The following PPP1R7 variants were observed in gnomAD, a reference collection of about 807,000 sequenced individuals.
PPP1R7 encodes the protein protein phosphatase 1 regulatory subunit 7.
A neutral mutation model predicts 45.2 loss-of-function variants in PPP1R7; 18 were observed. The ratio of observed to expected loss-of-function variants is 0.40; its 90% CI spans 0.28 to 0.59. The LOEUF (loss-of-function observed/expected upper bound fraction) is 0.59. Ranked by LOEUF, PPP1R7 falls within the 20% of genes least tolerant of loss-of-function variation. The pLI is 0.46. For missense variants in PPP1R7, 314 were observed against 455.8 expected, an observed-to-expected ratio of 0.69 and a Z score of 2.83; for synonymous variants, 181 against 183.4, an observed-to-expected ratio of 0.99 and a Z score of 0.11.
chr2:241,175,182 G>A (rs1479656907), intron 9 of PPP1R7, among the ~76,000 whole-genome samples: 1 of 152,160 alleles, frequency 6.6e-6, no homozygotes, highest in South Asian at 2.1e-4. Context: ...GGTAAAACAT[G>A]CATAAAATAA....
chr2:241,168,035 G>A (rs2067751122), intron 8 of PPP1R7, among the ~76,000 whole-genome samples: 1 of 152,144 alleles, frequency 6.6e-6, no homozygotes, highest in Admixed American at 6.5e-5. Context: ...TCTCCCGTTG[G>A]TCTAGAATAT....
chr2:241,151,839 C>T (rs535645981), intron 1 of PPP1R7, among the ~76,000 whole-genome samples: 9 of 152,318 alleles, frequency 5.9e-5, no homozygotes. Flanking sequence ...AGTACCTTAA[C>T]TCAGACCTTC....
At chr2:241,150,662 C>G in intron 1 of PPP1R7, 115 bp downstream of exon 1, 1 of 1,321,712 alleles carries the variant, frequency 7.6e-7, no homozygotes, top group Non-Finnish European at 9.7e-7. Flanking sequence ...CGCCGCCGCG[C>G]GGCCCCCTGA....
chr2:241,175,137 GTTTAC>G (rs1161057825), intron 9 of PPP1R7, among the ~76,000 whole-genome samples: 1 of 152,116 alleles, frequency 6.6e-6, no homozygotes, highest in Non-Finnish European at 1.5e-5. Context: ...TTAGTGTTTG[GTTTAC>G]TTTGTTTTCC....
At chr2:241,166,922 C>T in intron 8 of PPP1R7, 1 of 827,976 alleles carries the variant, frequency 1.2e-6, no homozygotes, top group Non-Finnish European at 2.0e-6. Flanking sequence ...GCTCTCAGTC[C>T]CAGCCCCTTC....
chr2:241,166,377 T>G lies in PPP1R7; in HGVS notation c.755T>G (p.Val252Gly). Residue 252 changes from valine to glycine, a missense_variant, in exon 8 of 10, where the codon GTG (valine) becomes GGG (glycine). Val to Gly is a moderately radical substitution (Grantham distance 109). Around this residue, in one of 3 missense-constraint regions of PPP1R7, gnomAD observed 168 missense variants for 285.3 expected, o/e 0.59. Coordinates refer to ENST00000234038, the MANE Select transcript of PPP1R7 (RefSeq NM_002712.3). ...AAGATCGAGGGTCTGCAGAACCTGG[T>G]GAACCTGCGGGAGCTGTACCTTAGC... ...LTKIEGLQNL[V>G]NLRELYLSHN... The G allele has an allele frequency of 6.2e-7, 1 of 1,614,020 alleles. No individual in the cohort carries two copies. Among genetic ancestry groups the G allele is most frequent in the Non-Finnish European group, 8.5e-7 (1 of 1,179,934 alleles).
At chr2:241,178,074 C>G (rs1013403314) in intron 9 of PPP1R7, among the ~76,000 whole-genome samples, 7 of 152,242 alleles carry the variant, frequency 4.6e-5, no homozygotes, top group African/African-American at 1.7e-4. Context: ...GCAGCCTGTG[C>G]CAGCTTGGCA....
At chr2:241,155,350 G>A (rs967886470) in intron 2 of PPP1R7, 1 of 152,182 alleles carries the variant, frequency 6.6e-6, no homozygotes, top group African/African-American at 2.4e-5. Flanking sequence ...CTACAAGGCA[G>A]ACCAGCTGGC....
At chr2:241,173,572 G>A (rs542249879) in intron 9 of PPP1R7, among the ~76,000 whole-genome samples, 1 of 152,250 alleles carries the variant, frequency 6.6e-6, no homozygotes, top group African/African-American at 2.4e-5. Flanking sequence ...ATGTGTCAGG[G>A]TTAACTGGGT....
rs2068045310 is a variant in PPP1R7 at position 241,183,471 on chromosome 2, G to A, written c.*648G>A. ...TCCCTTGCCTGTGGGTGAAAGCTCA[G>A]GTGTGGGGAGGGTGTCCTGTGTCCC... On this transcript the variant is annotated 3_prime_UTR_variant, in exon 10 of 10. Coordinates refer to ENST00000234038, the MANE Select transcript of PPP1R7 (RefSeq NM_002712.3). The A allele has an allele frequency of 2.1e-6, 1 of 471,010 alleles. No individual in the cohort carries two copies. Among genetic ancestry groups the A allele is most frequent in the Non-Finnish European group, 4.4e-6 (1 of 227,060 alleles). 29.2% of individuals were successfully genotyped at this position (471,010 alleles called of 1,614,324 possible).
At chr2:241,157,446 G>A (rs1416146907) in intron 2 of PPP1R7, among the ~76,000 whole-genome samples, 4 of 152,194 alleles carry the variant, frequency 2.6e-5, no homozygotes, top group South Asian at 2.1e-4. Context: ...TGGGAGTCAC[G>A]GAAAGGCAGT....
upstream of PPP1R7, chr2:241,150,343 T>C (rs929214724): frequency 7.6e-7 from 1 of 1,323,040 alleles, no homozygotes; most frequent in African/African-American, 1.6e-5. Flanking sequence ...ATGACGGAAC[T>C]ACAACTCCCA....
chr2:241,177,233 A>T (rs1471103192), intron 9 of PPP1R7, among the ~76,000 whole-genome samples: 1 of 152,188 alleles, frequency 6.6e-6, no homozygotes, highest in Non-Finnish European at 1.5e-5. Context: ...CCTAGCCAAC[A>T]TGGTGAAACC....
chr2:241,172,312 A>G (rs2067830978), intron 9 of PPP1R7, among the ~76,000 whole-genome samples: 1 of 152,200 alleles, frequency 6.6e-6, no homozygotes, highest in African/African-American at 2.4e-5. Context: ...TTTTACATTT[A>G]AATATCTTAC....
chr2:241,155,399 T>G (rs2067431595), intron 2 of PPP1R7: 1 of 152,218 alleles, frequency 6.6e-6, no homozygotes, highest in Admixed American at 6.5e-5. Context: ...TCGAGATGAT[T>G]AGCTGATTAT....
chr2:241,158,422 A>G, intron 3 of PPP1R7, 62 bp from the exon 4 acceptor site: 2 of 1,551,980 alleles, frequency 1.3e-6, no homozygotes, highest in Non-Finnish European at 8.9e-7. Context: ...CGCCTCTTCT[A>G]GGACGACACA....
At chr2:241,156,754 A>G (rs2067466381) in intron 2 of PPP1R7, among the ~76,000 whole-genome samples, 1 of 152,260 alleles carries the variant, frequency 6.6e-6, no homozygotes, top group African/African-American at 2.4e-5. Flanking sequence ...TTGGATCATA[A>G]TGCAAGTAAA....
intron 9 of PPP1R7, among the ~76,000 whole-genome samples, chr2:241,182,058 G>T (rs1010664303): frequency 6.6e-6 from 1 of 151,786 alleles, no homozygotes; most frequent in Admixed American, 6.6e-5. Flanking sequence ...CCCTCCAACT[G>T]GGCATGGCAG....
intron 9 of PPP1R7, among the ~76,000 whole-genome samples, chr2:241,174,989 T>A: frequency 6.6e-6 from 1 of 152,176 alleles, no homozygotes; most frequent in South Asian, 2.1e-4. Flanking sequence ...CTATCCTATT[T>A]TCTAGTAGCT....
Sources: gnomAD v4.1 joint callset for allele counts (sites outside exome capture counted in the v4.1 genomes callset) on GRCh38, gnomAD v4.1.1 for gene constraint, gnomAD v4.1.1 regional missense constraint, MANE v1.5 for transcripts, NCBI Gene and HGNC (gene_info 2026-07-23, HGNC 2026-07-21) for gene names.